Variants in MYLK4 observed in about 807,000 individuals in gnomAD.
MYLK4 encodes caMLCK like.
Under a neutral mutation model 48.1 loss-of-function variants are expected in MYLK4, and 46 were observed. The ratio of observed to expected loss-of-function variants is 0.96; its 90% CI spans 0.75 to 1.22. MYLK4 has a LOEUF of 1.22. MYLK4 is among the 50% of genes most tolerant of loss of function. The pLI is 0.00. For missense variants in MYLK4, 451 were observed against 486.1 expected, an observed-to-expected ratio of 0.93 and a Z score of 0.68; for synonymous variants, 170 against 180.8, an observed-to-expected ratio of 0.94 and a Z score of 0.48.
chr6:2,736,347 C>T (rs1763675204), intron 2 of MYLK4, among the ~76,000 whole-genome samples: 1 of 152,250 alleles, frequency 6.6e-6, no homozygotes, highest in South Asian at 2.1e-4. Context: ...CTCCGCCTCC[C>T]AGGTTCAAGC....
the MYLK4 span, among the ~76,000 whole-genome samples, chr6:2,756,050 T>C: frequency 5.3e-5 from 8 of 152,230 alleles, no homozygotes; most frequent in Non-Finnish European, 8.8e-5. Context: ...AAATAACTTG[T>C]GGGAATTTAT....
chr6:2,760,707 G>A, the MYLK4 span, among the ~76,000 whole-genome samples: 4 of 151,860 alleles, frequency 2.6e-5, no homozygotes, highest in Non-Finnish European at 5.9e-5. Context: ...TTCACAAAAA[G>A]GCCAAGTATG....
Position 2,684,746 on chromosome 6 carries a change from A to G in MYLK4, c.545+550T>C, listed in dbSNP as rs535485130. On this transcript the variant is annotated intron_variant, in intron 6 of 12. Coordinates refer to ENST00000274643, the MANE Select transcript of MYLK4 (RefSeq NM_001012418.5). ...ATTTAAAGTACTCGGGGGGATAGGC[A>G]TAAGTTATATGCAAAAGACTATGCC... Among the ~76,000 whole-genome samples, 18 of 152,346 alleles carry G rather than the reference A, an allele frequency of 1.2e-4. No homozygotes were observed. The South Asian group carries it at 3.1e-3, about 26-fold the overall frequency.
chr6:2,694,850 C>T (rs1212789343), intron 2 of MYLK4, among the ~76,000 whole-genome samples: 1 of 151,918 alleles, frequency 6.6e-6, no homozygotes, highest in Non-Finnish European at 1.5e-5. Flanking sequence ...GGATTCTGAC[C>T]CAGCTGTCTA....
chr6:2,753,436 G>A (rs1764345544), upstream of MYLK4, among the ~76,000 whole-genome samples: 1 of 152,152 alleles, frequency 6.6e-6, no homozygotes, highest in African/African-American at 2.4e-5. Flanking sequence ...CTGCATCCCT[G>A]TTACCCACAT....
At chr6:2,699,291 T>TTTTTTTTTTC (rs1762192673) in intron 2 of MYLK4, among the ~76,000 whole-genome samples, 1 of 85,864 alleles carries the variant, frequency 1.2e-5, no homozygotes, top group African/African-American at 5.3e-5. Context: ...TCTTTTCTTT[T>TTTTTTTTTTC]TTTTTTTTTT....
Position 2,731,708 on chromosome 6 carries a change from T to TCCCTTAC in MYLK4, c.159+17421_159+17427dup, listed in dbSNP as rs368525875. Among the ~76,000 whole-genome samples, 503 of 152,302 alleles carry TCCCTTAC rather than the reference T, an allele frequency of 3.3e-3. 1 individual carries two copies. Among genetic ancestry groups the TCCCTTAC allele is most frequent in the African/African-American group, 0.012 (479 of 41,562 alleles). On this transcript the variant is annotated intron_variant, in intron 2 of 12. Coordinates refer to ENST00000274643, the MANE Select transcript of MYLK4 (RefSeq NM_001012418.5). ...CTTTCATTAATCATTGTATTCAACCTCCCTTACTCATCCAGCCCACACCCA... is the reference window on the plus strand; with the variant it reads ...CTTTCATTAATCATTGTATTCAACCTCCCTTACCCCTTACTCATCCAGCCCACACCCA...
intron 3 of MYLK4, among the ~76,000 whole-genome samples, chr6:2,690,308 G>A (rs556991530): frequency 1.3e-5 from 2 of 152,072 alleles, no homozygotes; most frequent in Non-Finnish European, 2.9e-5. Flanking sequence ...TGTCCTCGTT[G>A]ACGAGGCGCT....
At chr6:2,677,527 C>T (rs919564803) in intron 10 of MYLK4, among the ~76,000 whole-genome samples, 14 of 152,212 alleles carry the variant, frequency 9.2e-5, no homozygotes, top group Admixed American at 8.5e-4. Context: ...AATCACAATG[C>T]CCTTCCCCTT....
intron 12 of MYLK4, 143 bp downstream of exon 12, chr6:2,671,133 C>T: frequency 1.6e-6 from 1 of 608,582 alleles, no homozygotes; most frequent in East Asian, 2.8e-5. Context: ...GGTGCAAACA[C>T]AGCAGTCTGA....
intron 3 of MYLK4, among the ~76,000 whole-genome samples, chr6:2,690,649 C>T (rs1247127866): frequency 6.6e-6 from 1 of 151,920 alleles, no homozygotes; most frequent in African/African-American, 2.4e-5. Context: ...AACCAGGGTC[C>T]CAGGGAATCT....
At chr6:2,731,366 C>G (rs1231347460) in intron 2 of MYLK4, among the ~76,000 whole-genome samples, 2 of 152,162 alleles carry the variant, frequency 1.3e-5, no homozygotes, top group Non-Finnish European at 2.9e-5. Flanking sequence ...CCCAGTTTCT[C>G]TGGACTCTAG....
chr6:2,769,277 C>T, the MYLK4 span, among the ~76,000 whole-genome samples: 2 of 151,760 alleles, frequency 1.3e-5, no homozygotes, highest in African/African-American at 4.8e-5. Flanking sequence ...ATTAAACAAT[C>T]GGTATTTTCT....
upstream of MYLK4, among the ~76,000 whole-genome samples, chr6:2,752,656 G>A (rs1764325890): frequency 6.6e-6 from 1 of 152,162 alleles, no homozygotes; most frequent in Non-Finnish European, 1.5e-5. Flanking sequence ...AAGTTGAATA[G>A]GCTGTGGAGA....
rs1159820617 is a variant in MYLK4 at position 2,725,535 on chromosome 6, C to G, written c.159+23601G>C. ...AGAGACAGAGAGAGAGAAAAAGAAA[C>G]AAAGAAAGAAACAAAGAAACAAAGA... On this transcript the variant is annotated intron_variant, in intron 2 of 12. Transcript: ENST00000274643. 3.7e-3 allele frequency among the ~76,000 whole-genome samples: 406 copies of G among 110,044 alleles called. 3 individuals carry two copies. The highest frequency in any genetic ancestry group is 0.015 in the African/African-American group (383 of 25,658). 72.2% of individuals were successfully genotyped at this position (110,044 alleles called of 152,430 possible). A position where few individuals can be genotyped will look rare whatever the true frequency, so the allele number is the denominator to read the frequency against.
intron 2 of MYLK4, among the ~76,000 whole-genome samples, chr6:2,739,385 T>C (rs12176151): frequency 0.48 from 72,919 of 151,990 alleles, 17,653 homozygotes; most frequent in East Asian, 0.56. Flanking sequence ...CCATCTGACT[T>C]TTCCCGGACT....
In MYLK4 at chr6:2,737,436, C is replaced by A. The variant is rs56889812; in HGVS notation, c.159+11700G>T. On this transcript the variant is annotated intron_variant, in intron 2 of 12. Coordinates refer to ENST00000274643, the MANE Select transcript of MYLK4 (RefSeq NM_001012418.5). ...ACATGGGCATCTTATTCTTGCTGGA[C>A]TGGATGAAGTTCCATTCTCCTTCTT... 8.7e-3 allele frequency among the ~76,000 whole-genome samples: 1,318 copies of A among 152,318 alleles called. 19 individuals are homozygous for A. The highest frequency in any genetic ancestry group is 0.03 in the African/African-American group (1,255 of 41,570).
chr6:2,718,063 C>T (rs1464126354), intron 2 of MYLK4, among the ~76,000 whole-genome samples: 3 of 151,988 alleles, frequency 2.0e-5, no homozygotes, highest in African/African-American at 7.3e-5. Context: ...GCCTGTAATT[C>T]CAGCTACTAC....
intron 2 of MYLK4, among the ~76,000 whole-genome samples, chr6:2,745,793 G>A (rs1236788524): frequency 6.6e-6 from 1 of 151,918 alleles, no homozygotes; most frequent in East Asian, 1.9e-4. Context: ...CATGGGTGGT[G>A]GTGCATGCCT....
Sources: gnomAD v4.1 joint callset for allele counts (sites outside exome capture counted in the v4.1 genomes callset) on GRCh38, gnomAD v4.1.1 for gene constraint, MANE v1.5 for transcripts, NCBI Gene and HGNC (gene_info 2026-07-23, HGNC 2026-07-21) for gene names.